Variants in MAPK4 observed in about 807,000 individuals in gnomAD.
MAPK4 encodes mitogen-activated protein kinase 4.
MAPK4 carries 22 observed loss-of-function variants against 47.7 expected under a neutral mutation model. The ratio of observed to expected loss-of-function variants is 0.46; its 90% confidence interval spans 0.33 to 0.66. The LOEUF (loss-of-function observed/expected upper bound fraction) is 0.66. MAPK4 is among the 30% of genes least tolerant of loss of function. The pLI is 0.02. For missense variants in MAPK4, 736 were observed against 831.7 expected, an observed-to-expected ratio of 0.88 and a Z score of 1.42; for synonymous variants, 390 against 365.7, an observed-to-expected ratio of 1.07 and a Z score of -0.76.
At chr18:50,715,406 A>T (rs980088724) in intron 3 of MAPK4, among the ~76,000 whole-genome samples, 183 bp downstream of exon 3, 1 of 152,206 alleles carries the variant, frequency 6.6e-6, no homozygotes, top group Non-Finnish European at 1.5e-5. Flanking sequence ...TGGAGAGGCT[A>T]AAAAAATAGT....
At chr18:50,607,775 T>C (rs6508013) in intron 1 of MAPK4, among the ~76,000 whole-genome samples, 146,494 of 152,298 alleles carry the variant, frequency 0.96, 70,649 homozygotes, top group Non-Finnish European at 1. Flanking sequence ...AAATCATTTA[T>C]ATTCTGGAAC....
chr18:50,662,377 G>GTTTAGA (rs1480285291), intron 1 of MAPK4, among the ~76,000 whole-genome samples: 1 of 152,226 alleles, frequency 6.6e-6, no homozygotes, highest in Non-Finnish European at 1.5e-5. Flanking sequence ...GGACAGTGAA[G>GTTTAGA]TTTAGATTTG....
At chr18:50,701,319 T>G (rs1191221199) in intron 2 of MAPK4, among the ~76,000 whole-genome samples, 1 of 152,128 alleles carries the variant, frequency 6.6e-6, no homozygotes, top group Non-Finnish European at 1.5e-5. Context: ...GGAGGGACCC[T>G]AACCTTGTGT....
intron 2 of MAPK4, among the ~76,000 whole-genome samples, chr18:50,710,043 TATC>T (rs1249599150): frequency 1.3e-5 from 2 of 152,270 alleles, no homozygotes; most frequent in African/African-American, 4.8e-5. Flanking sequence ...CAGAGTCTCT[TATC>T]ATCCTAGCCT....
At chr18:50,653,014 C>T (rs1380636881) in intron 1 of MAPK4, among the ~76,000 whole-genome samples, 1 of 151,956 alleles carries the variant, frequency 6.6e-6, no homozygotes. Context: ...AAACCTATGT[C>T]TACAAAAGTT....
At chr18:50,592,303 G>T (rs1177607059) in intron 1 of MAPK4, among the ~76,000 whole-genome samples, 1 of 152,136 alleles carries the variant, frequency 6.6e-6, no homozygotes, top group Non-Finnish European at 1.5e-5. Context: ...TACTTGAGGG[G>T]CAAGGAGTTT....
intron 2 of MAPK4, among the ~76,000 whole-genome samples, chr18:50,671,620 A>C (rs79990419): frequency 0.015 from 2,229 of 149,696 alleles, 51 homozygotes; most frequent in African/African-American, 0.052. Context: ...GGCCAGATGC[A>C]GTGGCTCATG....
At chr18:50,721,885 C>T in intron 3 of MAPK4, 53 bp from the exon 4 acceptor site, 3 of 1,594,012 alleles carry the variant, frequency 1.9e-6, no homozygotes, top group Non-Finnish European at 2.6e-6. Context: ...TGGGCTACTG[C>T]ACACCACAGC....
rs761581511 is a variant in MAPK4 at position 50,664,167 on chromosome 18, G to A, written c.209G>A (p.Arg70Gln). Residue 70 changes from arginine to glutamine, a missense_variant, in exon 2 of 6, where the codon CGG becomes CAG. Physicochemically the swap from Arg to Gln is conservative, Grantham distance 43. Transcript: ENST00000400384. The surrounding 1 kb of genome is among the most constrained non-coding windows in gnomAD (Gnocchi z 6.0). Reference sequence around the variant, plus strand: ...GCGCTCCGAGAGATCAAGATCATTCGGCGCCTGGACCACGACAACATCGTC... The same window carrying A: ...GCGCTCCGAGAGATCAAGATCATTCAGCGCCTGGACCACGACAACATCGTC... ...KHALREIKII[R>Q]RLDHDNIVKV... 86 of 1,614,024 alleles carry A rather than the reference G, an allele frequency of 5.3e-5. No homozygotes were observed. The highest frequency in any genetic ancestry group is 6.9e-5 in the Non-Finnish European group (82 of 1,180,050).
intron 1 of MAPK4, among the ~76,000 whole-genome samples, chr18:50,652,684 G>A (rs2043063435): frequency 6.6e-6 from 1 of 152,180 alleles, no homozygotes; most frequent in Non-Finnish European, 1.5e-5. Flanking sequence ...TGAGAATAGA[G>A]CGATGCACAT....
At chr18:50,675,476 C>T (rs918736667) in intron 2 of MAPK4, among the ~76,000 whole-genome samples, 1 of 151,926 alleles carries the variant, frequency 6.6e-6, no homozygotes, top group Non-Finnish European at 1.5e-5. Context: ...GCCACCAGGC[C>T]CAGCTAATTT....
At chr18:50,573,217 G>A (rs2042265209) in intron 1 of MAPK4, among the ~76,000 whole-genome samples, 4 of 152,176 alleles carry the variant, frequency 2.6e-5, no homozygotes, top group Admixed American at 2.6e-4. Context: ...GAAAAAAGAA[G>A]TCACTGTTTA....
At chr18:50,576,631 TAAAATAAAAGTTAAAAAAATA>T (rs1427852062) in intron 1 of MAPK4, among the ~76,000 whole-genome samples, 1 of 152,182 alleles carries the variant, frequency 6.6e-6, no homozygotes, top group African/African-American at 2.4e-5. Flanking sequence ...GCCCTGAACC[TAAAATAAAAGTTAAAAAAATA>T]AAAATTTCTA....
At position 50,730,075 on chromosome 18, in the gene MAPK4, TG is replaced by T; in HGVS notation, c.*222del. On this transcript the variant is annotated 3_prime_UTR_variant, in exon 6 of 6. Transcript: ENST00000400384. ...TTGAACAGGACCCTGGCTTAGGGGT[TG>T]ATCACTTTCCTAGCAAAGGGGAGAC... The T allele has an allele frequency of 2.3e-6, 1 of 442,308 alleles. No individual in the cohort carries two copies. Among genetic ancestry groups the T allele is most frequent in the Admixed American group, 3.7e-5 (1 of 27,380 alleles). The allele number at this position is 442,308 out of a possible 1,614,324, so 27.4% of individuals were successfully genotyped here. A position where few individuals can be genotyped will look rare whatever the true frequency, so the allele number is the denominator to read the frequency against.
In MAPK4 at chr18:50,729,363, G is replaced by C. The variant is rs781183183; in HGVS notation, c.1273G>C (p.Gly425Arg). ...SMERAFEADYGRSCDYKVGSP... is the reference protein window; with the variant it reads ...SMERAFEADYRRSCDYKVGSP... ...GGAGCGCGCCTTCGAGGCCGACTAC[G>C]GGCGCTCCTGCGACTACAAGGTGGG... The change falls in exon 6 of 6, where the codon GGG becomes CGG. Residue 425 changes from glycine to arginine, a missense_variant. Physicochemically the swap from Gly to Arg is moderately radical, Grantham distance 125. Transcript: ENST00000400384. The C allele has an allele frequency of 1.9e-6, 3 of 1,576,682 alleles. No individual in the cohort carries two copies. Among genetic ancestry groups the C allele is most frequent in the East Asian group, 2.3e-5 (1 of 43,242 alleles).
intron 2 of MAPK4, among the ~76,000 whole-genome samples, chr18:50,679,021 G>T (rs1034701459): frequency 3.3e-5 from 5 of 152,138 alleles, no homozygotes; most frequent in Admixed American, 2.6e-4. Flanking sequence ...ATTGTGATCC[G>T]CAGGACTCAC....
In MAPK4 at chr18:50,663,918, C is replaced by T. The variant is rs1337430775; in HGVS notation, c.-41C>T. 1.3e-6 allele frequency: 2 copies of T among 1,562,322 alleles called. No homozygotes were observed. The highest frequency in any genetic ancestry group is 1.4e-5 in the African/African-American group (1 of 73,416). ...GCCGAGACTTGGCCTTTCCTGACTG[C>T]CCCTGTGTTACCTGGGCAGCTCCAG... On this transcript the variant is annotated 5_prime_UTR_variant, in exon 2 of 6. Coordinates refer to ENST00000400384, the MANE Select transcript of MAPK4 (RefSeq NM_002747.4).
chr18:50,724,220 C>A (rs149070960), intron 4 of MAPK4, among the ~76,000 whole-genome samples: 1 of 152,168 alleles, frequency 6.6e-6, no homozygotes, highest in Non-Finnish European at 1.5e-5. Flanking sequence ...TACTGGCCCA[C>A]CTGGCCAACT....
chr18:50,694,257 A>G (rs745732824), intron 2 of MAPK4, among the ~76,000 whole-genome samples: 1 of 152,086 alleles, frequency 6.6e-6, no homozygotes, highest in East Asian at 1.9e-4. Flanking sequence ...ACAGCCCTAG[A>G]TGACTCTCAG....
Sources: allele counts gnomAD v4.1 joint callset (sites outside exome capture counted in the v4.1 genomes callset), GRCh38; gene constraint gnomAD v4.1.1; non-coding constraint Gnocchi (gnomAD v3.1); transcripts MANE v1.5; gene names NCBI Gene and HGNC (gene_info 2026-07-23, HGNC 2026-07-21).